INPP5D: variants seen among roughly 807,000 people sequenced by gnomAD.
The protein encoded by INPP5D is phosphatidylinositol 3,4,5-trisphosphate 5-phosphatase 1.
INPP5D carries 33 observed loss-of-function variants against 122.9 expected under a neutral mutation model. That is an observed-to-expected ratio of 0.27 (90% CI 0.20 to 0.36). The LOEUF (loss-of-function observed/expected upper bound fraction) is 0.36, where lower values mean the gene tolerates loss of function less well. INPP5D is among the 10% of genes least tolerant of loss of function. INPP5D has a pLI of 1.00. For synonymous variants in INPP5D, 584 were observed against 576.2 expected, an observed-to-expected ratio of 1.01 and a Z score of -0.19; for missense variants, 1,053 against 1,412.7, an observed-to-expected ratio of 0.75 and a Z score of 4.08.
At chr2:233,070,856 G>A (rs1691361480) in intron 1 of INPP5D, among the ~76,000 whole-genome samples, 1 of 152,200 alleles carries the variant, frequency 6.6e-6, no homozygotes, top group Admixed American at 6.5e-5. Context: ...TATGTATCAT[G>A]TTTTTAGCAC....
chr2:233,113,259 G>T (rs1692680929), intron 2 of INPP5D, among the ~76,000 whole-genome samples: 1 of 152,074 alleles, frequency 6.6e-6, no homozygotes, highest in Non-Finnish European at 1.5e-5. Context: ...CCTTATCCCA[G>T]CTGCTCCCTC....
chr2:233,172,455 C>G (rs1266374080), intron 17 of INPP5D, among the ~76,000 whole-genome samples: 1 of 151,902 alleles, frequency 6.6e-6, no homozygotes, highest in African/African-American at 2.4e-5. Context: ...TTCAGCTGAG[C>G]AACAGCTAGG....
intron 4 of INPP5D, among the ~76,000 whole-genome samples, chr2:233,126,936 C>G (rs1373117034): frequency 1.3e-5 from 2 of 150,148 alleles, no homozygotes; most frequent in Admixed American, 6.6e-5. Context: ...AAAAAAAATT[C>G]CACATCGAGC....
chr2:233,169,978 G>T (rs376020761), intron 14 of INPP5D, 48 bp from the exon 15 acceptor site: 20 of 1,612,078 alleles, frequency 1.2e-5, no homozygotes, highest in Non-Finnish European at 1.2e-5. Context: ...CACAGTGGAG[G>T]GGGAACCAGT....
chr2:233,096,019 A>T (rs1276766322), intron 2 of INPP5D, among the ~76,000 whole-genome samples: 6 of 152,238 alleles, frequency 3.9e-5, no homozygotes, highest in African/African-American at 9.6e-5. Flanking sequence ...GCTTTTTAAC[A>T]GTTGAACGAT....
chr2:233,157,896 T>G (rs1344378317), intron 9 of INPP5D, among the ~76,000 whole-genome samples: 1 of 152,148 alleles, frequency 6.6e-6, no homozygotes, highest in Non-Finnish European at 1.5e-5. Context: ...AACTTGACTC[T>G]TTTAATTGTT....
chr2:233,144,908 A>T (rs1284567330), intron 6 of INPP5D, among the ~76,000 whole-genome samples: 1 of 151,994 alleles, frequency 6.6e-6, no homozygotes, highest in Non-Finnish European at 1.5e-5. Context: ...TAGTAAAAGT[A>T]GTATACTAAA....
intron 9 of INPP5D, among the ~76,000 whole-genome samples, chr2:233,149,746 G>T (rs796967124): frequency 6.6e-6 from 1 of 152,288 alleles, no homozygotes; most frequent in East Asian, 1.9e-4. Context: ...TGTGACTTGG[G>T]TCTGGTGCCT....
intron 2 of INPP5D, among the ~76,000 whole-genome samples, chr2:233,099,917 G>A (rs1020735831): frequency 1.3e-5 from 2 of 152,160 alleles, no homozygotes; most frequent in Non-Finnish European, 2.9e-5. Context: ...ATGGCGGAAG[G>A]TGAAGGGCAC....
rs78338187 is a variant in INPP5D, at chr2:233,111,013, C to T, written c.199-11094C>T. Among the ~76,000 whole-genome samples, 593 of 152,154 alleles carry T rather than the reference C, an allele frequency of 3.9e-3. 4 individuals are homozygous for T. Among genetic ancestry groups the T allele is most frequent in the East Asian group, 0.013 (69 of 5,178 alleles). On this transcript the variant is annotated intron_variant, in intron 2 of 26. Transcript: ENST00000445964. ...TTGACTTATAGAACATTTTCAAGAA[C>T]GGTACAAAGAATTCCTGTATACCCT...
Position 233,170,309 on chromosome 2 carries a change from T to C in INPP5D, c.1791+145T>C. On this transcript the variant is annotated intron_variant, in intron 15 of 26. Transcript: ENST00000445964. The surrounding 1 kb of genome is among the most constrained non-coding windows in gnomAD (Gnocchi z 4.5). The stretch of plus-strand genomic sequence containing the variant: ...CCTTGGGGGCTCAACGCTGTTTCCA[T>C]TACTGAGCCTCAGCCGCTCCTCACG... 6.7e-7 allele frequency: 1 copy of C among 1,487,886 alleles called. No homozygotes were observed. Among genetic ancestry groups the C allele is most frequent in the Non-Finnish European group, 9.0e-7 (1 of 1,111,948 alleles). 92.2% of individuals were successfully genotyped at this position (1,487,886 alleles called of 1,614,324 possible).
intron 5 of INPP5D, among the ~76,000 whole-genome samples, chr2:233,132,552 G>A (rs547818075): frequency 1.3e-5 from 2 of 152,196 alleles, no homozygotes; most frequent in Non-Finnish European, 2.9e-5. Context: ...TCAGTAAGGC[G>A]ACAGCCAGGC....
chr2:233,169,774 G>C, intron 14 of INPP5D: 1 of 629,912 alleles, frequency 1.6e-6, no homozygotes, highest in South Asian at 2.0e-5. Context: ...CTGATTCTCT[G>C]CTGAGCAGAT....
At position 233,170,279 on chromosome 2, in the gene INPP5D, G is replaced by T; in HGVS notation, c.1791+115G>T. 1.3e-6 allele frequency: 2 copies of T among 1,515,492 alleles called. No homozygotes were observed. The highest frequency in any genetic ancestry group is 8.9e-7 in the Non-Finnish European group (1 of 1,128,354). The allele number at this position is 1,515,492 out of a possible 1,614,324, so 93.9% of individuals were successfully genotyped here. Reference sequence around the variant, plus strand: ...GTGAATCAAGTGGGCTGAGGCGGCTGCTCCCCTTGGGGGCTCAACGCTGTT... The same window carrying T: ...GTGAATCAAGTGGGCTGAGGCGGCTTCTCCCCTTGGGGGCTCAACGCTGTT... On this transcript the variant is annotated intron_variant, in intron 15 of 26. Transcript: ENST00000445964. The surrounding 1 kb of genome is among the most constrained non-coding windows in gnomAD (Gnocchi z 4.5).
chr2:233,140,806 T>C (rs1234287493), intron 6 of INPP5D: 1 of 152,228 alleles, frequency 6.6e-6, no homozygotes, highest in African/African-American at 2.4e-5. Flanking sequence ...AGTGCTGGGA[T>C]TACAGGTGGG....
chr2:233,183,172 G>T lies in INPP5D; in HGVS notation c.2161+673G>T, dbSNP rs112978407. On this transcript the variant is annotated intron_variant, in intron 19 of 26. Transcript: ENST00000445964. This position sits in a 1 kb window ranked among gnomAD's most constrained non-coding sequence, Gnocchi z 4.6. ...CTGGGCCAGGTGTTCTCTGTAATGT[G>T]CCCATCCAGCCCTTGGCCTAGGTGA... 2.0e-5 allele frequency among the ~76,000 whole-genome samples: 3 copies of T among 152,158 alleles called. No homozygotes were observed. The highest frequency in any genetic ancestry group is 4.4e-5 in the Non-Finnish European group (3 of 68,022).
chr2:233,129,030 G>A (rs1270924548), intron 4 of INPP5D, among the ~76,000 whole-genome samples: 4 of 152,126 alleles, frequency 2.6e-5, no homozygotes, highest in Non-Finnish European at 5.9e-5. Context: ...GCTAGGTCTG[G>A]TGGCATGTGC....
At chr2:233,184,593 C>A in intron 20 of INPP5D, 72 bp downstream of exon 20, 1 of 1,562,448 alleles carries the variant, frequency 6.4e-7, no homozygotes. Context: ...TCATACTTGG[C>A]ACTTTGCCCC....
At chr2:233,080,976 C>A (rs543954097) in intron 2 of INPP5D, among the ~76,000 whole-genome samples, 11 of 152,202 alleles carry the variant, frequency 7.2e-5, no homozygotes, top group Non-Finnish European at 1.5e-4. Context: ...CCACTCCCTG[C>A]GTAGTTAGGC....
Sources: gnomAD v4.1 joint callset for allele counts (sites outside exome capture counted in the v4.1 genomes callset) on GRCh38, gnomAD v4.1.1 for gene constraint, Gnocchi (gnomAD v3.1) non-coding constraint, MANE v1.5 for transcripts, NCBI Gene and HGNC (gene_info 2026-07-23, HGNC 2026-07-21) for gene names.